The following ARFGEF1 variants were observed in gnomAD, a reference collection of about 807,000 sequenced individuals.
ARFGEF1 encodes brefeldin A-inhibited guanine nucleotide-exchange protein 1.
In ARFGEF1, 42 loss-of-function variants were observed where a neutral mutation model predicts 231.0. The observed-to-expected ratio is 0.18, with a 90% confidence interval of 0.14 to 0.24. ARFGEF1 has a LOEUF of 0.24. Ranked by LOEUF, ARFGEF1 falls within the 10% of genes least tolerant of loss-of-function variation. The pLI is 1.00. For synonymous variants in ARFGEF1, 710 were observed against 732.3 expected (o/e 0.97, Z 0.49); for missense variants, 1,345 against 2,192.0 (o/e 0.61, Z 7.72).
At chr8:67,251,189 G>A in intron 19 of ARFGEF1, 110 bp downstream of exon 19, 1 of 1,024,614 alleles carries the variant, frequency 9.8e-7, no homozygotes, top group Non-Finnish European at 1.3e-6. Flanking sequence ...ACCTCAATAT[G>A]TCTACACTAA....
chr8:67,341,787 T>C (rs974785125), intron 1 of ARFGEF1, among the ~76,000 whole-genome samples: 7 of 152,330 alleles, frequency 4.6e-5, no homozygotes, highest in Admixed American at 3.9e-4. Flanking sequence ...ACTAGACAAC[T>C]GTCTTCTCAT....
downstream of ARFGEF1, chr8:67,195,305 GACT>G (rs1270173089): frequency 2.3e-6 from 2 of 863,108 alleles, no homozygotes; most frequent in African/African-American, 3.3e-5. Context: ...TAATGAGTTG[GACT>G]ACAAGAGACC....
intron 5 of ARFGEF1, among the ~76,000 whole-genome samples, chr8:67,186,469 A>T (rs1303957859): frequency 6.6e-6 from 1 of 152,124 alleles, no homozygotes; most frequent in Admixed American, 6.6e-5. Context: ...CTATGCCCAC[A>T]AATCTGATAA....
intron 10 of ARFGEF1, among the ~76,000 whole-genome samples, chr8:67,270,094 G>A (rs551658830): frequency 6.9e-4 from 105 of 152,208 alleles, no homozygotes; most frequent in African/African-American, 2.4e-3. Flanking sequence ...AAAAGCAAAA[G>A]TTCTAAAAGT....
chr8:67,316,652 G>T (rs1384203247), intron 1 of ARFGEF1, among the ~76,000 whole-genome samples: 1 of 152,026 alleles, frequency 6.6e-6, no homozygotes, highest in Non-Finnish European at 1.5e-5. Context: ...TAGAGACAGG[G>T]TTTTGCCATG....
chr8:67,226,952 T>A (rs1045857372), intron 27 of ARFGEF1, among the ~76,000 whole-genome samples, 185 bp downstream of exon 27: 1 of 152,158 alleles, frequency 6.6e-6, no homozygotes, highest in Non-Finnish European at 1.5e-5. Flanking sequence ...ATTTGCCATA[T>A]GGTAAATACT....
rs762670203 is a variant in ARFGEF1, at chr8:67,238,331, A to G, written c.3289+12T>C. The G allele has an allele frequency of 1.3e-6, 2 of 1,578,992 alleles. No individual in the cohort carries two copies. Among genetic ancestry groups the G allele is most frequent in the Non-Finnish European group, 1.7e-6 (2 of 1,168,584 alleles). On this transcript the variant is annotated intron_variant, in intron 22 of 38. Transcript: ENST00000262215. Reference sequence around the variant, plus strand: ...TTAAAAACAATTTTTGATACTTTGTAAAAATTCTCACCTAGCCCTAAACCC... The same window carrying G: ...TTAAAAACAATTTTTGATACTTTGTGAAAATTCTCACCTAGCCCTAAACCC...
chr8:67,198,082 A>C lies in ARFGEF1; in HGVS notation c.*852T>G, dbSNP rs1838158165. Reference sequence around the variant, plus strand: ...GGTCCATAAAGGATCATTCTATTTTAATGGCTCATCTTTAAAAGTCCTAAG... The same window carrying C: ...GGTCCATAAAGGATCATTCTATTTTCATGGCTCATCTTTAAAAGTCCTAAG... On this transcript the variant is annotated 3_prime_UTR_variant, in exon 39 of 39. Transcript: ENST00000262215. 1 of 985,698 alleles carries C rather than the reference A, an allele frequency of 1.0e-6. No individual in the cohort carries two copies. The highest frequency in any genetic ancestry group is 4.7e-5 in the South Asian group (1 of 21,284). 61.1% of individuals were successfully genotyped at this position (985,698 alleles called of 1,614,324 possible).
At chr8:67,329,553 T>C (rs1285593719) in intron 1 of ARFGEF1, among the ~76,000 whole-genome samples, 1 of 147,686 alleles carries the variant, frequency 6.8e-6, no homozygotes, top group African/African-American at 2.5e-5. Context: ...AATAAATAAA[T>C]AAATAAATAA....
chr8:67,179,565 A>T (rs1832518653), intron 5 of ARFGEF1, among the ~76,000 whole-genome samples: 1 of 152,182 alleles, frequency 6.6e-6, no homozygotes, highest in African/African-American at 2.4e-5. Context: ...TGATCCTTTT[A>T]TTTGACTTCA....
At position 67,227,221 on chromosome 8, in the gene ARFGEF1, T is replaced by C. The variant is rs1391397839; in HGVS notation, c.3832A>G (p.Ile1278Val). 2 of 1,613,026 alleles carry C rather than the reference T, an allele frequency of 1.2e-6. No individual in the cohort carries two copies. Among genetic ancestry groups the C allele is most frequent in the Non-Finnish European group, 1.7e-6 (2 of 1,179,198 alleles). The change falls in exon 27 of 39, where the codon ATT becomes GTT. Residue 1278 changes from isoleucine (I) to valine (V), a missense_variant. Coordinates refer to ENST00000262215, the MANE Select transcript of ARFGEF1 (RefSeq NM_006421.5). The stretch of plus-strand genomic sequence containing the variant: ...GCAGCTAGATGAAATACAGAGAAAA[T>C]GTTCTTCCATCCAGATCGAATGTTA... ...AANIRSGWKN[I>V]FSVFHLAASD...
chr8:67,192,641 A>G (rs928596536), intron 5 of ARFGEF1, among the ~76,000 whole-genome samples: 2 of 152,070 alleles, frequency 1.3e-5, no homozygotes, highest in Non-Finnish European at 2.9e-5. Flanking sequence ...GTTTTCTTTC[A>G]GTTTGTTCTT....
chr8:67,318,045 G>T (rs1198935057), intron 1 of ARFGEF1, among the ~76,000 whole-genome samples: 2 of 151,682 alleles, frequency 1.3e-5, no homozygotes, highest in Non-Finnish European at 2.9e-5. Flanking sequence ...AGACCATCCT[G>T]GCTAACACGG....
intron 1 of ARFGEF1, among the ~76,000 whole-genome samples, chr8:67,318,335 A>C (rs990975741): frequency 1.3e-5 from 2 of 152,088 alleles, no homozygotes; most frequent in Non-Finnish European, 2.9e-5. Flanking sequence ...GCATCCATTC[A>C]TGATTTTAAA....
intron 1 of ARFGEF1, among the ~76,000 whole-genome samples, chr8:67,306,577 TA>T (rs1806756674): frequency 6.6e-6 from 1 of 152,036 alleles, no homozygotes; most frequent in Non-Finnish European, 1.5e-5. Flanking sequence ...ACAGTACAAA[TA>T]CAACCCGCAA....
At chr8:67,251,714 AT>A (rs1441344128) in intron 18 of ARFGEF1, among the ~76,000 whole-genome samples, 2 of 152,158 alleles carry the variant, frequency 1.3e-5, no homozygotes, top group African/African-American at 4.8e-5. Flanking sequence ...TTGGAGTTTC[AT>A]TTTGGGATAA....
chr8:67,186,557 A>G (rs983096894), intron 5 of ARFGEF1, among the ~76,000 whole-genome samples: 1 of 152,214 alleles, frequency 6.6e-6, no homozygotes, highest in African/African-American at 2.4e-5. Context: ...GATAAAGAAC[A>G]TCTACAAAAG....
At chr8:67,312,133 A>G (rs1006799325) in intron 1 of ARFGEF1, among the ~76,000 whole-genome samples, 6 of 152,018 alleles carry the variant, frequency 3.9e-5, no homozygotes, top group African/African-American at 1.5e-4. Flanking sequence ...TAGGAAAACC[A>G]GAGACCTCTG....
intron 3 of ARFGEF1, among the ~76,000 whole-genome samples, chr8:67,300,350 C>G (rs928842621): frequency 6.6e-6 from 1 of 152,114 alleles, no homozygotes; most frequent in African/African-American, 2.4e-5. Context: ...AGAAGTATTC[C>G]TCTACTTAGA....
Sources: allele counts gnomAD v4.1 joint callset (sites outside exome capture counted in the v4.1 genomes callset), GRCh38; gene constraint gnomAD v4.1.1; transcripts MANE v1.5; gene names NCBI Gene and HGNC (gene_info 2026-07-23, HGNC 2026-07-21).